The following DIS3 variants were observed in gnomAD, a reference collection of about 807,000 sequenced individuals.
The protein encoded by DIS3 is DIS3 exosome endoribonuclease and 3'-5' exoribonuclease.
In DIS3, 103 loss-of-function variants were observed where a neutral mutation model predicts 113.0. The observed-to-expected ratio is 0.91, with a 90% CI of 0.78 to 1.07. The LOEUF (loss-of-function observed/expected upper bound fraction) is 1.07, where lower values mean the gene tolerates loss of function less well. Among genes scored for constraint, DIS3 ranks in the 50% least tolerant of loss-of-function variants. The pLI, the probability that DIS3 is intolerant of heterozygous loss-of-function variation, is 0.00. For synonymous variants in DIS3, 402 were observed against 394.3 expected, an observed-to-expected ratio of 1.02 and a Z score of -0.23; for missense variants, 1,121 against 1,167.1, an observed-to-expected ratio of 0.96 and a Z score of 0.58.
At position 72,757,148 on chromosome 13, in the gene DIS3, CAAG is replaced by C. The variant is rs920613092; in HGVS notation, c.*2644_*2646del. 3 of 152,006 alleles carry C rather than the reference CAAG, an allele frequency of 2.0e-5. No individual in the cohort carries two copies. Among genetic ancestry groups the C allele is most frequent in the African/African-American group, 7.2e-5 (3 of 41,392 alleles). 9.4% of individuals were successfully genotyped at this position (152,006 alleles called of 1,614,324 possible). A position where few individuals can be genotyped will look rare whatever the true frequency, so the allele number is the denominator to read the frequency against. On this transcript the variant is annotated 3_prime_UTR_variant, in exon 21 of 21. Transcript: ENST00000377767. Reference sequence around the variant, plus strand: ...TTAAACCTTTCTAGTAGCTGAAGCACAAGAAAATAAACTTGGAAAGAAAAAACC... The same window carrying C: ...TTAAACCTTTCTAGTAGCTGAAGCACAAAATAAACTTGGAAAGAAAAAACC...
chr13:72,772,868 C>A lies in DIS3; in HGVS notation c.1240-29G>T. 5.1e-6 allele frequency: 8 copies of A among 1,556,520 alleles called. No homozygotes were observed. In the South Asian group the frequency reaches 9.8e-5, roughly 19 times the overall value. On this transcript the variant is annotated intron_variant, in intron 8 of 20. Coordinates refer to ENST00000377767, the MANE Select transcript of DIS3 (RefSeq NM_014953.5). ...AAACCAAGAGGCATTATTAGAAACGCCTATTTTATAGCAAATTTACATCTT... is the reference window on the plus strand; with the variant it reads ...AAACCAAGAGGCATTATTAGAAACGACTATTTTATAGCAAATTTACATCTT...
chr13:72,761,438 T>C lies in DIS3; in HGVS notation c.2595A>G (p.Pro865=). ...VRKNAIVVLI[P]KYGLEGTVFF... is the part of the protein sequence containing the mutation. ...AGACTGTCCCTTCTAAACCATACTT[T>C]GGAATTAATACCACAATGGCATTCT... The change falls in exon 19 of 21, where the codon CCA becomes CCG. Residue 865 remains proline (P), a synonymous_variant. Coordinates refer to ENST00000377767, the MANE Select transcript of DIS3 (RefSeq NM_014953.5). 6.2e-7 allele frequency: 1 copy of C among 1,612,094 alleles called. No homozygotes were observed. The highest frequency in any genetic ancestry group is 8.5e-7 in the Non-Finnish European group (1 of 1,179,488).
At chr13:72,775,409 T>C (rs765052844) in intron 5 of DIS3, 34 bp from the exon 6 acceptor site, 1 of 1,555,504 alleles carries the variant, frequency 6.4e-7, no homozygotes, top group Non-Finnish European at 8.7e-7. Context: ...GTGCCCAAAT[T>C]ATTTTTAATG....
At chr13:72,781,478 C>A in intron 1 of DIS3, 127 bp downstream of exon 1, 1 of 1,435,562 alleles carries the variant, frequency 7.0e-7, no homozygotes, top group Non-Finnish European at 9.3e-7. Context: ...GCTTCGGTCC[C>A]GAGGGGGTTT....
Position 72,755,010 on chromosome 13 carries a change from TTATAAAATAC to T in DIS3, c.*4775_*4784del, listed in dbSNP as rs1282291323. The T allele has an allele frequency of 1.6e-6, 1 of 625,762 alleles. No individual in the cohort carries two copies. Among genetic ancestry groups the T allele is most frequent in the Non-Finnish European group, 2.7e-6 (1 of 365,126 alleles). The allele number at this position is 625,762 out of a possible 1,614,324, so 38.8% of individuals were successfully genotyped here. A position where few individuals can be genotyped will look rare whatever the true frequency, so the allele number is the denominator to read the frequency against. On this transcript the variant is annotated 3_prime_UTR_variant, in exon 21 of 21. Transcript: ENST00000377767. ...ATGCTTTTTGATGCAGAATATTGAT[TTATAAAATAC>T]TGTATCTTTACTGTCCCTTCAGAGT...
chr13:72,770,012 T>C (rs1040277547), intron 13 of DIS3, among the ~76,000 whole-genome samples: 1 of 152,162 alleles, frequency 6.6e-6, no homozygotes, highest in Non-Finnish European at 1.5e-5. Context: ...TGAATAAACA[T>C]GATCTCAGGC....
intron 19 of DIS3, 122 bp from the exon 20 acceptor site, chr13:72,760,773 G>A (rs1227035578): frequency 2.5e-6 from 3 of 1,210,156 alleles, no homozygotes; most frequent in African/African-American, 3.1e-5. Context: ...GCATCTACGT[G>A]TTCAACATAA....
rs771678883 is a variant in DIS3, at chr13:72,761,698, C to T, written c.2459G>A (p.Arg820Gln). 13 of 1,613,038 alleles carry T rather than the reference C, an allele frequency of 8.1e-6. No individual in the cohort carries two copies. Among genetic ancestry groups the T allele is most frequent in the Middle Eastern group, 3.3e-4 (2 of 6,078 alleles). The part of the protein sequence containing the change: ...LADICKNLNF[R>Q]HKMAQYAQRA... ...TTGGGCATATTGAGCCATTTTGTGC[C>T]GGAAATTTAGATTTTTACATATATC... The change falls in exon 18 of 21, where the codon CGG (arginine) becomes CAG (glutamine). Residue 820 changes from arginine (R) to glutamine (Q), a missense_variant. By Grantham distance (43) the Arg-to-Gln change is conservative. This residue lies in a region of DIS3 where 861 missense variants were observed against 915.5 expected (regional missense o/e 0.94). Transcript: ENST00000377767.
chr13:72,776,840 G>A (rs2034028571), intron 4 of DIS3, among the ~76,000 whole-genome samples: 1 of 152,046 alleles, frequency 6.6e-6, no homozygotes, highest in Non-Finnish European at 1.5e-5. Context: ...AATGCTTAAT[G>A]TTACACACTG....
At position 72,753,790 on chromosome 13, in the gene DIS3, T is replaced by C. The variant is rs1204853225; in HGVS notation, c.*6005A>G. 2 of 1,613,260 alleles carry C rather than the reference T, an allele frequency of 1.2e-6. No individual in the cohort carries two copies. The highest frequency in any genetic ancestry group is 2.2e-5 in the East Asian group (1 of 44,802). The stretch of plus-strand genomic sequence containing the variant: ...GAAAGTGATGCACAAACATGTGAAG[T>C]TGAGAGTAAATCTCAAGCATTTAAT... On this transcript the variant is annotated 3_prime_UTR_variant, in exon 21 of 21. Transcript: ENST00000377767.
chr13:72,763,307 A>T (rs2033671550), intron 16 of DIS3, 144 bp downstream of exon 16: 1 of 1,118,512 alleles, frequency 8.9e-7, no homozygotes, highest in African/African-American at 1.6e-5. Context: ...TGTCTCAAAA[A>T]AAAAACCAAA....
chr13:72,773,852 C>CA (rs759722691), intron 7 of DIS3, 31 bp from the exon 8 acceptor site: 41 of 1,592,534 alleles, frequency 2.6e-5, no homozygotes, highest in African/African-American at 1.5e-4. Flanking sequence ...AGATTTTACA[C>CA]AAAAAAAATC....
At position 72,753,665 on chromosome 13, in the gene DIS3, A is replaced by T; in HGVS notation, c.*6130T>A. ...TTGACTTTTAAGTTCCTCACAATAT[A>T]TTTTTTTCTTTTTTCTCCTGTCAGA... On this transcript the variant is annotated 3_prime_UTR_variant, in exon 21 of 21. Coordinates refer to ENST00000377767, the MANE Select transcript of DIS3 (RefSeq NM_014953.5). The T allele has an allele frequency of 6.3e-7, 1 of 1,598,830 alleles. No individual in the cohort carries two copies. The highest frequency in any genetic ancestry group is 8.5e-7 in the Non-Finnish European group (1 of 1,173,364).
intron 14 of DIS3, among the ~76,000 whole-genome samples, chr13:72,768,575 C>A (rs1204761777): frequency 2.6e-5 from 4 of 152,126 alleles, no homozygotes; most frequent in African/African-American, 9.7e-5. Flanking sequence ...ATTCGGGAGG[C>A]AGAGGTTACA....
intron 16 of DIS3, among the ~76,000 whole-genome samples, chr13:72,763,117 G>A (rs1013327936): frequency 6.6e-6 from 1 of 152,022 alleles, no homozygotes; most frequent in Non-Finnish European, 1.5e-5. Flanking sequence ...GGGCAACATA[G>A]TGAAAATCTA....
In DIS3 at chr13:72,781,381, T is replaced by C. The variant is rs760937332; in HGVS notation, c.228+224A>G. On this transcript the variant is annotated intron_variant, in intron 1 of 20. Transcript: ENST00000377767. ...TCTAAGGCAGAAGAGACACCAGGAG[T>C]TAGAAAAATAACGTGTCTGAACTAC... is the stretch of plus-strand genomic sequence containing the variant. The C allele has an allele frequency of 3.9e-5, 61 of 1,546,438 alleles. No individual in the cohort carries two copies. The East Asian group carries it at 8.3e-4, about 21-fold the overall frequency.
chr13:72,778,252 AT>A lies in DIS3; in HGVS notation c.514del (p.Ile172SerfsTer3). 1.9e-6 allele frequency: 3 copies of A among 1,609,076 alleles called. No individual in the cohort carries two copies. The highest frequency in any genetic ancestry group is 2.6e-6 in the Non-Finnish European group (3 of 1,176,248). On this transcript the variant is annotated frameshift_variant, in exon 3 of 21. Coordinates refer to ENST00000377767, the MANE Select transcript of DIS3 (RefSeq NM_014953.5). LOFTEE classifies it high-confidence loss of function. The part of the protein sequence containing the change: ...KMSADNQLQV[I>X]FITNDRRNKE... Reference sequence around the variant, plus strand: ...GTTTCTCCTGTCATTTGTTATGAAGATAACTTGCAGCTGGTTGTCTGCTGAC... The same window carrying A: ...GTTTCTCCTGTCATTTGTTATGAAGAAACTTGCAGCTGGTTGTCTGCTGAC...
intron 1 of DIS3, 58 bp downstream of exon 1, chr13:72,781,547 T>G: frequency 6.8e-7 from 1 of 1,462,014 alleles, no homozygotes; most frequent in Non-Finnish European, 9.0e-7. Flanking sequence ...TCAGTTTCCC[T>G]GTCATACCCC....
intron 13 of DIS3, among the ~76,000 whole-genome samples, chr13:72,770,090 T>C (rs1378516548): frequency 1.3e-5 from 2 of 152,216 alleles, no homozygotes; most frequent in East Asian, 3.8e-4. Flanking sequence ...AAAGAAGTGG[T>C]GTACCTGCTG....
Sources: gnomAD v4.1 joint callset for allele counts (sites outside exome capture counted in the v4.1 genomes callset) on GRCh38, gnomAD v4.1.1 for gene constraint, gnomAD v4.1.1 regional missense constraint, MANE v1.5 for transcripts, NCBI Gene and HGNC (gene_info 2026-07-23, HGNC 2026-07-21) for gene names.